Variants in TTC28 observed in about 807,000 individuals in gnomAD.
The protein encoded by TTC28 is tetratricopeptide repeat domain 28.
Under a neutral mutation model 198.0 loss-of-function variants are expected in TTC28, and 61 were observed. The ratio of observed to expected loss-of-function variants is 0.31; its 90% CI spans 0.25 to 0.38. The LOEUF is 0.38. Among genes scored for constraint, TTC28 ranks in the 10% least tolerant of loss-of-function variants. The pLI is 1.00. For synonymous variants in TTC28, 1,171 were observed against 1,297.8 expected, an observed-to-expected ratio of 0.90 and a Z score of 2.10; for missense variants, 2,678 against 3,164.0, an observed-to-expected ratio of 0.85 and a Z score of 3.69.
At chr22:28,347,642 C>T (rs555458720) in intron 2 of TTC28, among the ~76,000 whole-genome samples, 42 of 152,128 alleles carry the variant, frequency 2.8e-4, no homozygotes, top group Admixed American at 2.4e-3. Context: ...GAGGCTGAGG[C>T]GGGTGGATCA....
At chr22:28,015,454 G>C (rs1938333428) in intron 13 of TTC28, among the ~76,000 whole-genome samples, 1 of 146,992 alleles carries the variant, frequency 6.8e-6, no homozygotes, top group African/African-American at 2.5e-5. Flanking sequence ...ACAAATTGTT[G>C]CTCTGTGACC....
At chr22:28,416,364 A>G (rs767607234) in intron 2 of TTC28, among the ~76,000 whole-genome samples, 1 of 152,236 alleles carries the variant, frequency 6.6e-6, no homozygotes, top group Non-Finnish European at 1.5e-5. Flanking sequence ...AATTTCCTAC[A>G]TAATTCTGAA....
intron 13 of TTC28, among the ~76,000 whole-genome samples, chr22:28,020,805 A>G (rs1007573811): frequency 3.4e-5 from 5 of 146,640 alleles, no homozygotes; most frequent in South Asian, 2.2e-4. Flanking sequence ...ACACACACGC[A>G]CACACACAGA....
chr22:28,032,247 TA>T lies in TTC28; in HGVS notation c.3933-1882del, dbSNP rs1242266792. Among the ~76,000 whole-genome samples, 286 of 110,634 alleles carry T rather than the reference TA, an allele frequency of 2.6e-3. 12 individuals carry two copies. The highest frequency in any genetic ancestry group is 0.011 in the African/African-American group (266 of 24,720). The allele number at this position is 110,634 out of a possible 152,430, so 72.6% of individuals were successfully genotyped here. On this transcript the variant is annotated intron_variant, in intron 12 of 22. Transcript: ENST00000397906. The stretch of plus-strand genomic sequence containing the variant: ...TATATATATATAAAATATATATATA[TA>T]AAATATATATATATATATAGTGTGT...
chr22:27,986,308 C>T (rs1380034655), intron 21 of TTC28: 2 of 152,368 alleles, frequency 1.3e-5, no homozygotes, highest in Non-Finnish European at 2.9e-5. Flanking sequence ...TTCTCCTTCG[C>T]CTTCCGCCAT....
At chr22:28,651,478 C>T (rs1370994530) in intron 1 of TTC28, among the ~76,000 whole-genome samples, 2 of 152,158 alleles carry the variant, frequency 1.3e-5, no homozygotes, top group African/African-American at 2.4e-5. Flanking sequence ...TACAGTGGCA[C>T]AAGCATGGCT....
intron 2 of TTC28, among the ~76,000 whole-genome samples, chr22:28,391,251 C>G (rs1211929377): frequency 3.3e-5 from 5 of 152,222 alleles, no homozygotes; most frequent in Non-Finnish European, 7.3e-5. Context: ...GTAACCCGAC[C>G]TTTCTCCCTG....
chr22:28,553,271 C>T (rs1446782644), intron 2 of TTC28, among the ~76,000 whole-genome samples: 4 of 151,400 alleles, frequency 2.6e-5, no homozygotes, highest in African/African-American at 9.7e-5. Flanking sequence ...TGAGGAGCCC[C>T]TCTGCCTGGC....
chr22:28,566,894 G>A (rs932622321), intron 2 of TTC28, among the ~76,000 whole-genome samples: 1 of 151,988 alleles, frequency 6.6e-6, no homozygotes, highest in East Asian at 1.9e-4. Flanking sequence ...GACCAGCCTC[G>A]GAAACATGGG....
chr22:28,018,305 G>GT (rs1938457950), intron 13 of TTC28, among the ~76,000 whole-genome samples: 1 of 105,624 alleles, frequency 9.5e-6, no homozygotes, highest in Non-Finnish European at 1.9e-5. Flanking sequence ...GTGTGCGCGC[G>GT]CGGGGGGGGG....
In TTC28 at chr22:28,249,680, CCT is replaced by C. The variant is rs150889780; in HGVS notation, c.933+46516_933+46517del. Among the ~76,000 whole-genome samples the C allele has an allele frequency of 9.3e-4, 142 of 152,310 alleles. 1 individual carries two copies. The highest frequency in any genetic ancestry group is 3.2e-3 in the African/African-American group (134 of 41,572). ...GGGATTCAGGCAAGCTTCACTTCCC[CCT>C]GAGGCAGGGTTGCATGCCCTCCACG... On this transcript the variant is annotated intron_variant, in intron 5 of 22. Transcript: ENST00000397906.
chr22:28,240,068 A>G (rs1468834721), intron 5 of TTC28, among the ~76,000 whole-genome samples: 1 of 152,234 alleles, frequency 6.6e-6, no homozygotes, highest in African/African-American at 2.4e-5. Flanking sequence ...ATCTGACTGT[A>G]TTTCAAATGA....
intron 2 of TTC28, among the ~76,000 whole-genome samples, chr22:28,512,073 G>T (rs1298451398): frequency 6.6e-6 from 1 of 151,086 alleles, no homozygotes; most frequent in Non-Finnish European, 1.5e-5. Flanking sequence ...AATATCCAGA[G>T]TCTACAAGGA....
At chr22:28,153,268 C>G (rs1292730568) in intron 6 of TTC28, among the ~76,000 whole-genome samples, 2 of 151,820 alleles carry the variant, frequency 1.3e-5, no homozygotes, top group Non-Finnish European at 2.9e-5. Flanking sequence ...ACCACAATTG[C>G]TACCAAACTT....
At position 28,163,108 on chromosome 22, in the gene TTC28, T is replaced by C; in HGVS notation, c.1425A>G (p.Arg475=). The C allele has an allele frequency of 2.6e-6, 4 of 1,550,202 alleles. No individual in the cohort carries two copies. In the East Asian group the frequency reaches 7.3e-5, roughly 28 times the overall value. The part of the protein sequence containing the change: ...EDLKDRAAEG[R]ASSNLGIIHQ... The stretch of plus-strand genomic sequence containing the variant: ...TGTTCTTACCTAGATTGGAGGATGC[T>C]CGCCCCTCTGCAGCCCGGTCCTTGA... The change falls in exon 6 of 23, where the codon CGA becomes CGG. Residue 475 remains arginine, a synonymous_variant. Coordinates refer to ENST00000397906, the MANE Select transcript of TTC28 (RefSeq NM_001145418.2).
chr22:28,370,147 C>T (rs965928258), intron 2 of TTC28, among the ~76,000 whole-genome samples: 3 of 152,160 alleles, frequency 2.0e-5, no homozygotes, highest in Non-Finnish European at 4.4e-5. Flanking sequence ...ACTCCCCATC[C>T]CTTTCCCAAG....
chr22:28,202,166 TTCTTTTCAAAATA>T (rs1282076267), intron 5 of TTC28, among the ~76,000 whole-genome samples: 3 of 152,066 alleles, frequency 2.0e-5, no homozygotes, highest in Admixed American at 6.6e-5. Flanking sequence ...AGAGCCCAGG[TTCTTTTCAAAATA>T]TCGTACTGCG....
chr22:28,566,910 C>T (rs2049977757), intron 2 of TTC28, among the ~76,000 whole-genome samples: 1 of 151,872 alleles, frequency 6.6e-6, no homozygotes, highest in Non-Finnish European at 1.5e-5. Flanking sequence ...ATGGGAGACA[C>T]CATCTCTAAA....
chr22:28,127,110 C>G (rs954006317), intron 6 of TTC28, among the ~76,000 whole-genome samples: 5 of 152,096 alleles, frequency 3.3e-5, no homozygotes, highest in Admixed American at 2.0e-4. Context: ...TAACTATAAC[C>G]ATTGCAAAGT....
Sources: gnomAD v4.1 joint callset for allele counts (sites outside exome capture counted in the v4.1 genomes callset) on GRCh38, gnomAD v4.1.1 for gene constraint, MANE v1.5 for transcripts, NCBI Gene and HGNC (gene_info 2026-07-23, HGNC 2026-07-21) for gene names.